GRM7: variants seen among roughly 807,000 people sequenced by gnomAD.
GRM7 encodes the protein metabotropic glutamate receptor 7.
Under a neutral mutation model 84.5 loss-of-function variants are expected in GRM7, and 35 were observed. That is an observed-to-expected ratio of 0.41 (90% CI 0.32 to 0.55). The LOEUF (loss-of-function observed/expected upper bound fraction) is 0.55, where lower values mean the gene tolerates loss of function less well. Ranked by LOEUF, GRM7 falls within the 20% of genes least tolerant of loss-of-function variation. The pLI, the probability that GRM7 is intolerant of heterozygous loss-of-function variation, is 0.19. For synonymous variants in GRM7, 487 were observed against 455.1 expected, an observed-to-expected ratio of 1.07 and a Z score of -0.89; for missense variants, 1,003 against 1,194.6, an observed-to-expected ratio of 0.84 and a Z score of 2.36.
intron 2 of GRM7, among the ~76,000 whole-genome samples, chr3:7,184,208 C>A (rs1206537062): frequency 1.3e-5 from 2 of 152,020 alleles, no homozygotes; most frequent in African/African-American, 4.8e-5. Flanking sequence ...GCAGAAAATG[C>A]AGCTTATATG....
chr3:7,499,327 G>C (rs1029620702), intron 7 of GRM7, among the ~76,000 whole-genome samples: 1 of 152,094 alleles, frequency 6.6e-6, no homozygotes, highest in Non-Finnish European at 1.5e-5. Flanking sequence ...TGTTCCTCTG[G>C]GTAGTCTCAA....
chr3:6,861,387 G>C lies in GRM7; in HGVS notation c.-2G>C. 6.4e-7 allele frequency: 1 copy of C among 1,550,480 alleles called. No homozygotes were observed. On this transcript the variant is annotated 5_prime_UTR_variant, in exon 1 of 10. Transcript: ENST00000357716. This position sits in a 1 kb window ranked among gnomAD's most constrained non-coding sequence, Gnocchi z 6.4. The stretch of plus-strand genomic sequence containing the variant: ...CGCCGCCACCGCAGCAGCCGGAGCA[G>C]CATGGTCCAGCTGAGGAAGCTGCTC...
At chr3:7,186,519 G>A (rs1266912888) in intron 2 of GRM7, among the ~76,000 whole-genome samples, 3 of 152,108 alleles carry the variant, frequency 2.0e-5, no homozygotes, top group South Asian at 4.1e-4. Context: ...TCATTAAAAC[G>A]AATAAGGCCA....
intron 4 of GRM7, among the ~76,000 whole-genome samples, chr3:7,366,562 T>C (rs1277340897): frequency 6.6e-6 from 1 of 151,904 alleles, no homozygotes; most frequent in Admixed American, 6.6e-5. Context: ...GTACTTAATA[T>C]GGTTAGAAAT....
At chr3:7,591,370 T>C (rs756113878) in intron 8 of GRM7, 138 of 370,854 alleles carry the variant, frequency 3.7e-4, no homozygotes, top group Non-Finnish European at 6.3e-4. Context: ...AAAAATACAG[T>C]AATACACAGT....
intron 1 of GRM7, among the ~76,000 whole-genome samples, chr3:7,083,327 A>G: frequency 6.6e-6 from 1 of 152,176 alleles, no homozygotes; most frequent in East Asian, 1.9e-4. Flanking sequence ...ATTTAGCAAT[A>G]AAGTATTTTT....
At chr3:7,629,370 G>C (rs148716482) in intron 8 of GRM7, among the ~76,000 whole-genome samples, 27 of 152,262 alleles carry the variant, frequency 1.8e-4, no homozygotes, top group African/African-American at 6.3e-4. Flanking sequence ...CTCAAAATGA[G>C]GATGCCAGCA....
At chr3:7,365,439 T>C (rs1469813659) in intron 4 of GRM7, among the ~76,000 whole-genome samples, 1 of 151,686 alleles carries the variant, frequency 6.6e-6, no homozygotes, top group Non-Finnish European at 1.5e-5. Flanking sequence ...TGTGCTAAAT[T>C]CTATGAAGTG....
chr3:7,352,887 C>G (rs1693224275), intron 4 of GRM7, among the ~76,000 whole-genome samples: 1 of 152,072 alleles, frequency 6.6e-6, no homozygotes, highest in South Asian at 2.1e-4. Context: ...CTTACAGGAT[C>G]CCATTCTTTC....
chr3:7,238,671 C>T (rs1697432575), intron 2 of GRM7, among the ~76,000 whole-genome samples: 1 of 152,172 alleles, frequency 6.6e-6, no homozygotes, highest in African/African-American at 2.4e-5. Flanking sequence ...CTGTGGCCAG[C>T]TTGCTCACAC....
At chr3:6,895,054 C>T (rs576423788) in intron 1 of GRM7, among the ~76,000 whole-genome samples, 6 of 152,210 alleles carry the variant, frequency 3.9e-5, no homozygotes, top group Non-Finnish European at 7.4e-5. Flanking sequence ...AAAGAAAAGC[C>T]GCTCTTTCTG....
chr3:7,693,312 G>A (rs1575640424), intron 9 of GRM7, among the ~76,000 whole-genome samples: 1 of 152,088 alleles, frequency 6.6e-6, no homozygotes, highest in Non-Finnish European at 1.5e-5. Flanking sequence ...CAGAAGATTT[G>A]CTAACATTAA....
chr3:6,963,541 C>G (rs144938330), intron 1 of GRM7, among the ~76,000 whole-genome samples: 5 of 152,188 alleles, frequency 3.3e-5, no homozygotes, highest in African/African-American at 1.2e-4. Flanking sequence ...AGGAGAATTG[C>G]TTGAGCCCAG....
At position 7,006,468 on chromosome 3, in the gene GRM7, T is replaced by C. The variant is rs1052565207; in HGVS notation, c.520-139984T>C. 3.9e-5 allele frequency among the ~76,000 whole-genome samples: 6 copies of C among 152,324 alleles called. No homozygotes were observed. In the East Asian group the frequency reaches 5.8e-4, roughly 15 times the overall value. On this transcript the variant is annotated intron_variant, in intron 1 of 9. Transcript: ENST00000357716. ...AGTTGATGTTCTTCCTTCCATCAGA[T>C]TGTAAAGACTGTTCATCTAATTATT...
chr3:7,638,649 G>A (rs1161217494), intron 8 of GRM7, among the ~76,000 whole-genome samples: 1 of 152,186 alleles, frequency 6.6e-6, no homozygotes, highest in Non-Finnish European at 1.5e-5. Context: ...ATGAGTTTGG[G>A]CTGTTGCCAT....
intron 1 of GRM7, among the ~76,000 whole-genome samples, chr3:6,891,484 A>G (rs1305033629): frequency 6.6e-6 from 1 of 151,922 alleles, no homozygotes; most frequent in Non-Finnish European, 1.5e-5. Flanking sequence ...TTTCTCCTTC[A>G]CTTATGAGGC....
At chr3:6,890,905 C>T (rs1252173975) in intron 1 of GRM7, among the ~76,000 whole-genome samples, 3 of 151,980 alleles carry the variant, frequency 2.0e-5, no homozygotes, top group South Asian at 2.1e-4. Flanking sequence ...GCTTTATGAA[C>T]CTGGGTGCTC....
chr3:7,054,356 T>C (rs909974417), intron 1 of GRM7, among the ~76,000 whole-genome samples: 5 of 149,712 alleles, frequency 3.3e-5, no homozygotes, highest in African/African-American at 1.2e-4. Flanking sequence ...ATATATGATA[T>C]ATGTATGATA....
At chr3:7,490,802 TA>T (rs1699491716) in intron 7 of GRM7, among the ~76,000 whole-genome samples, 1 of 152,110 alleles carries the variant, frequency 6.6e-6, no homozygotes, top group Admixed American at 6.5e-5. Context: ...GGTAGCTGTG[TA>T]AAGTATGAAC....
Sources: gnomAD v4.1 joint callset for allele counts (sites outside exome capture counted in the v4.1 genomes callset) on GRCh38, gnomAD v4.1.1 for gene constraint, Gnocchi (gnomAD v3.1) non-coding constraint, MANE v1.5 for transcripts, NCBI Gene and HGNC (gene_info 2026-07-23, HGNC 2026-07-21) for gene names.